Variants in SETX observed in about 807,000 individuals in gnomAD.
The protein encoded by SETX is senataxin, also known as helicase senataxin.
SETX carries 90 observed loss-of-function variants against 227.2 expected under a neutral mutation model. The observed-to-expected ratio is 0.40, with a 90% confidence interval of 0.33 to 0.47. The LOEUF (loss-of-function observed/expected upper bound fraction) is 0.47. Among genes scored for constraint, SETX ranks in the 20% least tolerant of loss-of-function variants. The pLI is 0.91. For synonymous variants in SETX, 1,210 were observed against 1,113.2 expected (o/e 1.09, Z -1.73); for missense variants, 3,052 against 3,181.5 (o/e 0.96, Z 0.98).
chr9:132,318,780 C>T lies in SETX; in HGVS notation c.5275-6924G>A, dbSNP rs548489914. Among the ~76,000 whole-genome samples, 4 of 152,216 alleles carry T rather than the reference C, an allele frequency of 2.6e-5. No homozygotes were observed. The South Asian group carries it at 6.2e-4, about 24-fold the overall frequency. On this transcript the variant is annotated intron_variant, in intron 10 of 25. Transcript: ENST00000224140. Reference sequence around the variant, plus strand: ...ATGAGCTAGTTCCAACTTTTCTGCCCTGCACCACAAGGTAACATAAGGGTA... The same window carrying T: ...ATGAGCTAGTTCCAACTTTTCTGCCTTGCACCACAAGGTAACATAAGGGTA...
In SETX at chr9:132,300,751, A is replaced by C. The variant is rs978380834; in HGVS notation, c.5427T>G (p.Asp1809Glu). 5.6e-6 allele frequency: 9 copies of C among 1,613,452 alleles called. No individual in the cohort carries two copies. In the African/African-American group the frequency reaches 1.2e-4, roughly 22 times the overall value. ...TTCTCTCAGGAGCTAAAAACACCAA[A>C]TCGTTTTCCTTTGGATAAAGCTGTT... ...LAKQLYPKEN[D>E]LVFLAPERIN... is the part of the protein sequence containing the mutation. The change falls in exon 12 of 26, where the codon GAT becomes GAG. Residue 1809 changes from aspartate to glutamate, a missense_variant. By Grantham distance (45) the Asp-to-Glu change is conservative. This residue lies in a region of SETX where 239 missense variants were observed against 272.1 expected (regional missense o/e 0.88). Coordinates refer to ENST00000224140, the MANE Select transcript of SETX (RefSeq NM_015046.7).
intron 2 of SETX, among the ~76,000 whole-genome samples, chr9:132,351,348 T>C (rs948354284): frequency 1.2e-4 from 19 of 152,190 alleles, no homozygotes; most frequent in Admixed American, 2.6e-4. Context: ...CTTTTCCCAC[T>C]TACCTTACTT....
rs1273272549 is a variant in SETX at position 132,273,170 on chromosome 9, T to TTG, written c.7101-1363_7101-1362insCA. 6.6e-5 allele frequency among the ~76,000 whole-genome samples: 10 copies of TTG among 152,226 alleles called. No individual in the cohort carries two copies. The East Asian group carries it at 1.5e-3, about 24-fold the overall frequency. On this transcript the variant is annotated intron_variant, in intron 23 of 25. Coordinates refer to ENST00000224140, the MANE Select transcript of SETX (RefSeq NM_015046.7). The stretch of plus-strand genomic sequence containing the variant: ...CTTCACATTTATTTAGGTGGTTTTT[T>TTG]TTTTGTTTTGAGATGGAATTTCGCT...
chr9:132,338,802 A>G (rs1325308329), intron 5 of SETX, among the ~76,000 whole-genome samples: 2 of 152,118 alleles, frequency 1.3e-5, no homozygotes, highest in East Asian at 3.9e-4. Flanking sequence ...TCTGTTGCCC[A>G]GGTTGGAGTG....
Position 132,263,678 on chromosome 9 carries a change from T to G in SETX, c.*561A>C, listed in dbSNP as rs73661150. ...AGGAGACTCCAGGTTTTTGGGGGGG[T>G]TTTTGCTTTTTTTAATAGAGCCAGA... On this transcript the variant is annotated 3_prime_UTR_variant, in exon 26 of 26. Transcript: ENST00000224140. 0.021 allele frequency: 3,182 copies of G among 152,260 alleles called. 47 individuals carry two copies. Among genetic ancestry groups the G allele is most frequent in the Middle Eastern group, 0.034 (10 of 294 alleles). The allele number at this position is 152,260 out of a possible 1,614,324, so 9.4% of individuals were successfully genotyped here.
At chr9:132,267,244 G>A (rs1237982331) in intron 25 of SETX, among the ~76,000 whole-genome samples, 4 of 152,214 alleles carry the variant, frequency 2.6e-5, no homozygotes, top group African/African-American at 9.6e-5. Context: ...TGGCCCGGTG[G>A]CTGGCATACT....
intron 25 of SETX, among the ~76,000 whole-genome samples, chr9:132,266,948 A>G (rs1159418621): frequency 6.6e-6 from 1 of 152,242 alleles, no homozygotes; most frequent in Non-Finnish European, 1.5e-5. Flanking sequence ...CTAAATTCTG[A>G]AAGTGAAATA....
intron 25 of SETX, among the ~76,000 whole-genome samples, chr9:132,266,632 TGTA>T (rs1477739304): frequency 6.6e-6 from 1 of 152,016 alleles, no homozygotes; most frequent in Non-Finnish European, 1.5e-5. Context: ...ATTAGCCAAG[TGTA>T]GTGGTGCACA....
At chr9:132,331,904 G>A (rs1396184985) in intron 7 of SETX, among the ~76,000 whole-genome samples, 2 of 152,146 alleles carry the variant, frequency 1.3e-5, no homozygotes, top group Non-Finnish European at 2.9e-5. Context: ...TCTACATGAA[G>A]CCCATAATAC....
intron 11 of SETX, among the ~76,000 whole-genome samples, chr9:132,304,961 C>T (rs1433201900): frequency 2.0e-5 from 3 of 151,740 alleles, no homozygotes; most frequent in Non-Finnish European, 2.9e-5. Flanking sequence ...CACCACTGCA[C>T]TTCAGCCTGG....
At chr9:132,297,585 C>T (rs1276203909) in intron 13 of SETX, among the ~76,000 whole-genome samples, 1 of 152,204 alleles carries the variant, frequency 6.6e-6, no homozygotes, top group Non-Finnish European at 1.5e-5. Flanking sequence ...TCTAGGATTC[C>T]TTAAGAGGTG....
At chr9:132,295,824 T>C (rs2131284227) in intron 15 of SETX, 48 bp downstream of exon 15, 2 of 1,572,382 alleles carry the variant, frequency 1.3e-6, no homozygotes, top group Middle Eastern at 1.9e-4. Flanking sequence ...TTGCCTACAC[T>C]TAACACTGAA....
intron 12 of SETX, among the ~76,000 whole-genome samples, chr9:132,299,453 A>T (rs898434527): frequency 4.1e-4 from 63 of 152,126 alleles, no homozygotes; most frequent in African/African-American, 1.4e-3. Flanking sequence ...CCTCACTGCA[A>T]CTCTTCTAAA....
At chr9:132,348,341 CA>C (rs1848411532) in intron 3 of SETX, among the ~76,000 whole-genome samples, 1 of 111,520 alleles carries the variant, frequency 9.0e-6, no homozygotes, top group African/African-American at 3.4e-5. Flanking sequence ...CCAGCCTGGA[CA>C]AGAGAGTGAG....
At chr9:132,335,416 A>G (rs1847555722) in intron 6 of SETX, among the ~76,000 whole-genome samples, 1 of 127,916 alleles carries the variant, frequency 7.8e-6, no homozygotes, top group Non-Finnish European at 1.7e-5. Flanking sequence ...AAAAAAAAAA[A>G]GTATTTTGAG....
At chr9:132,335,273 C>T (rs1847537013) in intron 6 of SETX, among the ~76,000 whole-genome samples, 1 of 150,962 alleles carries the variant, frequency 6.6e-6, no homozygotes, top group South Asian at 2.1e-4. Context: ...CGCCTGTGGT[C>T]CCAGCTACTC....
intron 14 of SETX, 137 bp downstream of exon 14, chr9:132,296,750 C>T (rs1285760819): frequency 3.7e-6 from 3 of 807,048 alleles, no homozygotes; most frequent in Non-Finnish European, 4.0e-6. Flanking sequence ...TTCTCTGACA[C>T]AGTTACACAC....
At chr9:132,349,496 A>G in intron 2 of SETX, 61 bp from the exon 3 acceptor site, 1 of 1,530,766 alleles carries the variant, frequency 6.5e-7, no homozygotes, top group African/African-American at 1.4e-5. Context: ...GTGTGTCAAG[A>G]ATAGGTACAC....
chr9:132,354,161 T>C (rs1848754913), intron 1 of SETX, among the ~76,000 whole-genome samples: 1 of 152,058 alleles, frequency 6.6e-6, no homozygotes, highest in Non-Finnish European at 1.5e-5. Flanking sequence ...TCCCCAGAAG[T>C]TGGGGAGGAC....
Sources: allele counts gnomAD v4.1 joint callset (sites outside exome capture counted in the v4.1 genomes callset), GRCh38; gene constraint gnomAD v4.1.1; regional missense constraint gnomAD v4.1.1; transcripts MANE v1.5; gene names NCBI Gene and HGNC (gene_info 2026-07-23, HGNC 2026-07-21).